HECW2: variants seen among roughly 807,000 people sequenced by gnomAD.
HECW2 encodes HECT, C2 and WW domain containing E3 ubiquitin protein ligase 2.
Under a neutral mutation model 175.2 loss-of-function variants are expected in HECW2, and 61 were observed. The observed-to-expected ratio is 0.35, with a 90% CI of 0.28 to 0.43. The LOEUF is 0.43. Among genes scored for constraint, HECW2 ranks in the 20% least tolerant of loss-of-function variants. The pLI, the probability that HECW2 is intolerant of heterozygous loss-of-function variation, is 1.00. For missense variants in HECW2, 1,524 were observed against 2,000.5 expected, an observed-to-expected ratio of 0.76 and a Z score of 4.54; for synonymous variants, 671 against 731.0, an observed-to-expected ratio of 0.92 and a Z score of 1.32.
At chr2:196,310,768 T>TGTGTGTGTGTGTGTG (rs1691464730) in intron 10 of HECW2, among the ~76,000 whole-genome samples, 4 of 148,216 alleles carry the variant, frequency 2.7e-5, no homozygotes, top group Non-Finnish European at 6.0e-5. Flanking sequence ...AGCAACGATT[T>TGTGTGTGTGTGTGTG]TGTGTGTGTG....
chr2:196,272,867 T>C (rs1689790479), intron 16 of HECW2, among the ~76,000 whole-genome samples: 1 of 148,292 alleles, frequency 6.7e-6, no homozygotes, highest in African/African-American at 2.4e-5. Context: ...CCATGTGCAG[T>C]ATTTAGTGTC....
chr2:196,343,237 T>A (rs1692828016), intron 3 of HECW2, among the ~76,000 whole-genome samples: 1 of 152,164 alleles, frequency 6.6e-6, no homozygotes, highest in African/African-American at 2.4e-5. Flanking sequence ...CCTGTGTACA[T>A]CCTCTCGTAT....
At chr2:196,547,234 G>T (rs1038511360) in intron 1 of HECW2, among the ~76,000 whole-genome samples, 2 of 152,192 alleles carry the variant, frequency 1.3e-5, no homozygotes, top group Non-Finnish European at 2.9e-5. Flanking sequence ...GGGCACCCCA[G>T]CATTCCATGA....
rs998874665 is a variant in HECW2, at chr2:196,586,147, GCTGT to G, written c.-36+7357_-36+7360del. Among the ~76,000 whole-genome samples the G allele has an allele frequency of 8.5e-5, 13 of 152,152 alleles. No individual in the cohort carries two copies. In the East Asian group the frequency reaches 1.5e-3, roughly 18 times the overall value. On this transcript the variant is annotated intron_variant, in intron 1 of 28. Transcript: ENST00000644978. ...AGATACTATGCTTATGATATAAATGGCTGTCTATTACTGAAAATATCACTTCCTT... is the reference window on the plus strand; with the variant it reads ...AGATACTATGCTTATGATATAAATGGCTATTACTGAAAATATCACTTCCTT...
chr2:196,518,989 T>G (rs1688248885), intron 1 of HECW2, among the ~76,000 whole-genome samples: 1 of 152,196 alleles, frequency 6.6e-6, no homozygotes, highest in Non-Finnish European at 1.5e-5. Context: ...AGCTTAACAA[T>G]TACAGTTCAA....
intron 17 of HECW2, among the ~76,000 whole-genome samples, chr2:196,259,776 A>C (rs189205896): frequency 1.3e-5 from 2 of 152,334 alleles, no homozygotes; most frequent in East Asian, 3.9e-4. Flanking sequence ...AGAGATGTAA[A>C]TGTTGGCTGA....
chr2:196,323,915 GT>G (rs1160140452), intron 6 of HECW2, among the ~76,000 whole-genome samples: 5 of 68,838 alleles, frequency 7.3e-5, no homozygotes, highest in African/African-American at 2.1e-4. Context: ...TTTGTTTTTT[GT>G]TTGTTTTTTT....
chr2:196,236,753 G>A (rs1333583996), intron 21 of HECW2, among the ~76,000 whole-genome samples: 1 of 152,132 alleles, frequency 6.6e-6, no homozygotes, highest in Non-Finnish European at 1.5e-5. Flanking sequence ...ATGTGTTCGG[G>A]AGGAAGACCA....
intron 1 of HECW2, among the ~76,000 whole-genome samples, chr2:196,553,542 C>T (rs1297372516): frequency 6.6e-6 from 1 of 152,238 alleles, no homozygotes; most frequent in African/African-American, 2.4e-5. Flanking sequence ...GTTTGCCTTA[C>T]ACCCTTCAAC....
rs1426899799 is a variant in HECW2 at position 196,524,344 on chromosome 2, G to GT, written c.-36+69163dup. On this transcript the variant is annotated intron_variant, in intron 1 of 28. Transcript: ENST00000644978. ...GATATCCCCTTTATCATTTTTTATTGTGTCTATTTGATTCTTCTCTCTTTT... is the reference window on the plus strand; with the variant it reads ...GATATCCCCTTTATCATTTTTTATTGTTGTCTATTTGATTCTTCTCTCTTTT... Among the ~76,000 whole-genome samples the GT allele has an allele frequency of 3.7e-5, 4 of 108,136 alleles. No homozygotes were observed. In the East Asian group the frequency reaches 8.4e-4, roughly 23 times the overall value. 70.9% of individuals were successfully genotyped at this position (108,136 alleles called of 152,430 possible).
chr2:196,320,069 AG>A, intron 8 of HECW2, 165 bp from the exon 9 acceptor site: 1 of 741,246 alleles, frequency 1.3e-6, no homozygotes, highest in Non-Finnish European at 2.1e-6. Context: ...GGAGACTGCT[AG>A]TCAGCTTGGC....
intron 1 of HECW2, among the ~76,000 whole-genome samples, chr2:196,488,718 A>G (rs958922555): frequency 2.0e-5 from 3 of 152,132 alleles, no homozygotes; most frequent in African/African-American, 7.2e-5. Context: ...ATTTATCCAA[A>G]AAGTTATCTC....
At chr2:196,485,682 C>T (rs1171717992) in intron 1 of HECW2, among the ~76,000 whole-genome samples, 1 of 152,034 alleles carries the variant, frequency 6.6e-6, no homozygotes, top group African/African-American at 2.4e-5. Context: ...AACAAGGGGA[C>T]CGAGGAAGGC....
At chr2:196,402,921 C>T (rs1033442997) in intron 2 of HECW2, among the ~76,000 whole-genome samples, 3 of 151,778 alleles carry the variant, frequency 2.0e-5, no homozygotes, top group Non-Finnish European at 4.4e-5. Flanking sequence ...ATTCTTGTGC[C>T]TCAGCCTCCC....
chr2:196,332,774 C>T (rs1268230605), intron 4 of HECW2, among the ~76,000 whole-genome samples: 1 of 152,186 alleles, frequency 6.6e-6, no homozygotes, highest in Non-Finnish European at 1.5e-5. Flanking sequence ...CAGCCCCACT[C>T]TTCTAGTTTT....
chr2:196,429,240 T>TGG (rs11424741), intron 2 of HECW2, among the ~76,000 whole-genome samples: 233 of 151,526 alleles, frequency 1.5e-3, no homozygotes, highest in African/African-American at 4.8e-3. Flanking sequence ...TTCCTGAGCC[T>TGG]GGGGGGGGCC....
chr2:196,433,855 C>T (rs376505260), intron 1 of HECW2, among the ~76,000 whole-genome samples: 6 of 152,140 alleles, frequency 3.9e-5, no homozygotes, highest in African/African-American at 9.7e-5. Context: ...TTTAAAATAG[C>T]GAGACACATG....
intron 1 of HECW2, among the ~76,000 whole-genome samples, chr2:196,484,755 G>A (rs1252827556): frequency 6.6e-6 from 1 of 152,126 alleles, no homozygotes; most frequent in African/African-American, 2.4e-5. Context: ...CAACCCCGGG[G>A]AGTGGCAAGT....
At chr2:196,278,227 T>C (rs2105985374) in intron 15 of HECW2, among the ~76,000 whole-genome samples, 1 of 143,698 alleles carries the variant, frequency 7.0e-6, no homozygotes, top group African/African-American at 2.5e-5. Context: ...AATGGGCTTA[T>C]CATCTTCCTG....
Sources: allele counts gnomAD v4.1 joint callset (sites outside exome capture counted in the v4.1 genomes callset), GRCh38; gene constraint gnomAD v4.1.1; transcripts MANE v1.5; gene names NCBI Gene and HGNC (gene_info 2026-07-23, HGNC 2026-07-21).